IMMP2L: variants seen among roughly 807,000 people sequenced by gnomAD.
IMMP2L encodes the protein inner mitochondrial membrane peptidase subunit 2, also known as mitochondrial inner membrane protease subunit 2.
In IMMP2L, 18 loss-of-function variants were observed where a neutral mutation model predicts 19.3. That is an observed-to-expected ratio of 0.93 (90% CI 0.64 to 1.38). The LOEUF (loss-of-function observed/expected upper bound fraction) is 1.38. IMMP2L is among the 40% of genes most tolerant of loss of function. The pLI is 0.00. For missense variants in IMMP2L, 233 were observed against 218.2 expected (o/e 1.07, Z -0.43); for synonymous variants, 76 against 73.0 (o/e 1.04, Z -0.21).
intron 5 of IMMP2L, among the ~76,000 whole-genome samples, chr7:110,769,126 C>T (rs17399243): frequency 0.015 from 2,259 of 152,292 alleles, 20 homozygotes; most frequent in Non-Finnish European, 0.023. Flanking sequence ...TTTTCATTCT[C>T]GCAGCACATT....
rs183058096 is a variant in IMMP2L, at chr7:111,360,136, C to T, written c.239+127102G>A. Among the ~76,000 whole-genome samples, 1,435 of 151,878 alleles carry T rather than the reference C, an allele frequency of 9.4e-3. 8 individuals are homozygous for T. Among genetic ancestry groups the T allele is most frequent in the Middle Eastern group, 0.02 (6 of 294 alleles). ...TTTCGCCATAATGTGATTACAATTT[C>T]GCCATAATGTCATTACAAATCCAAA... On this transcript the variant is annotated intron_variant, in intron 3 of 5. Transcript: ENST00000405709.
intron 3 of IMMP2L, among the ~76,000 whole-genome samples, chr7:111,071,955 G>A (rs1346153180): frequency 6.6e-6 from 1 of 152,024 alleles, no homozygotes; most frequent in Non-Finnish European, 1.5e-5. Flanking sequence ...GACTGCTGAT[G>A]ATACCATCCA....
intron 1 of IMMP2L, among the ~76,000 whole-genome samples, chr7:111,541,727 T>C (rs1247976838): frequency 2.0e-5 from 3 of 152,122 alleles, no homozygotes; most frequent in Non-Finnish European, 4.4e-5. Flanking sequence ...TAGATAAAAA[T>C]ATATGAGCCA....
Position 111,455,312 on chromosome 7 carries a change from C to T in IMMP2L, c.239+31926G>A, listed in dbSNP as rs1839584164. ...AATTATTTGTAACATCTTACTGATC[C>T]CCTCATTAATTAATGAGCTTAATAA... On this transcript the variant is annotated intron_variant, in intron 3 of 5. Coordinates refer to ENST00000405709, the MANE Select transcript of IMMP2L (RefSeq NM_032549.4). Among the ~76,000 whole-genome samples the T allele has an allele frequency of 2.0e-5, 3 of 151,042 alleles. No individual in the cohort carries two copies. In the South Asian group the frequency reaches 6.3e-4, roughly 32 times the overall value.
intron 3 of IMMP2L, among the ~76,000 whole-genome samples, chr7:111,033,569 T>A (rs979200164): frequency 6.6e-6 from 1 of 152,196 alleles, no homozygotes; most frequent in Non-Finnish European, 1.5e-5. Context: ...TGTAAACAAC[T>A]AAGATATCCT....
chr7:110,945,282 A>T (rs556963086), intron 4 of IMMP2L, among the ~76,000 whole-genome samples: 2 of 152,084 alleles, frequency 1.3e-5, no homozygotes, highest in East Asian at 1.9e-4. Flanking sequence ...TAACATTTTT[A>T]AAAAAGCATT....
chr7:110,706,577 G>T (rs760021888), intron 5 of IMMP2L, among the ~76,000 whole-genome samples: 2 of 152,086 alleles, frequency 1.3e-5, no homozygotes, highest in Non-Finnish European at 2.9e-5. Context: ...ATCTCACTGT[G>T]GTTTTGATGT....
chr7:111,497,846 T>TTG (rs1843738922), intron 2 of IMMP2L, among the ~76,000 whole-genome samples: 1 of 151,836 alleles, frequency 6.6e-6, no homozygotes, highest in African/African-American at 2.4e-5. Context: ...ATAAAGTCAA[T>TTG]ACTGTAATGA....
chr7:110,840,119 C>T (rs1325575944), intron 5 of IMMP2L, among the ~76,000 whole-genome samples: 1 of 152,160 alleles, frequency 6.6e-6, no homozygotes, highest in Non-Finnish European at 1.5e-5. Context: ...TGAACGGTCA[C>T]AGCTGCTGCT....
intron 5 of IMMP2L, among the ~76,000 whole-genome samples, chr7:110,743,422 T>C (rs1797118131): frequency 6.6e-6 from 1 of 152,170 alleles, no homozygotes; most frequent in African/African-American, 2.4e-5. Flanking sequence ...TTAATAAAAA[T>C]AAGATGTGCT....
At chr7:110,873,445 A>G (rs1267439145) in intron 5 of IMMP2L, among the ~76,000 whole-genome samples, 1 of 149,996 alleles carries the variant, frequency 6.7e-6, no homozygotes, top group Non-Finnish European at 1.5e-5. Flanking sequence ...AAAAAAAAAA[A>G]AAAAAAAAAA....
intron 5 of IMMP2L, among the ~76,000 whole-genome samples, chr7:110,734,624 A>C (rs1008560130): frequency 6.6e-6 from 1 of 152,232 alleles, no homozygotes; most frequent in African/African-American, 2.4e-5. Flanking sequence ...CCAAATGACC[A>C]TTTAATTAGA....
chr7:110,977,652 C>A (rs986041649), intron 3 of IMMP2L, among the ~76,000 whole-genome samples: 1 of 151,888 alleles, frequency 6.6e-6, no homozygotes, highest in Non-Finnish European at 1.5e-5. Flanking sequence ...CAAATAAATG[C>A]CAAATGACTT....
chr7:110,779,449 T>C (rs936384225), intron 5 of IMMP2L, among the ~76,000 whole-genome samples: 3 of 151,972 alleles, frequency 2.0e-5, no homozygotes, highest in Admixed American at 2.0e-4. Context: ...AATGGAGGTT[T>C]AGTTATCGAG....
At chr7:110,966,174 T>C (rs957513159) in intron 3 of IMMP2L, among the ~76,000 whole-genome samples, 5 of 152,032 alleles carry the variant, frequency 3.3e-5, no homozygotes, top group Non-Finnish European at 7.4e-5. Flanking sequence ...TTAGAAAATA[T>C]TATTTGTGGC....
chr7:111,189,748 G>C (rs1016443809), intron 3 of IMMP2L, among the ~76,000 whole-genome samples: 4 of 152,194 alleles, frequency 2.6e-5, no homozygotes, highest in South Asian at 2.1e-4. Context: ...AACTGACTTA[G>C]CTTAAGGTGC....
chr7:110,978,639 A>G (rs1178334437), intron 3 of IMMP2L, among the ~76,000 whole-genome samples: 1 of 152,100 alleles, frequency 6.6e-6, no homozygotes, highest in African/African-American at 2.4e-5. Flanking sequence ...TGAGATAAAA[A>G]GATCAAACTA....
rs558469086 is a variant in IMMP2L, at chr7:111,074,432, AG to A, written c.240-110868del. Among the ~76,000 whole-genome samples, 256 of 152,340 alleles carry A rather than the reference AG, an allele frequency of 1.7e-3. 1 individual carries two copies. The highest frequency in any genetic ancestry group is 1.5e-3 in the Non-Finnish European group (100 of 68,032). On this transcript the variant is annotated intron_variant, in intron 3 of 5. Transcript: ENST00000405709. ...AATGCTGAAAAAGCCTTCTTTCTTA[AG>A]GTTCGGAGCAAAACCCAGTTAATCT...
At chr7:110,771,108 AC>A (rs751891510) in intron 5 of IMMP2L, among the ~76,000 whole-genome samples, 15 of 152,138 alleles carry the variant, frequency 9.9e-5, no homozygotes, top group Non-Finnish European at 2.1e-4. Context: ...GAAGGTTCTG[AC>A]GGGAAATATC....
Sources: allele counts gnomAD v4.1 joint callset (sites outside exome capture counted in the v4.1 genomes callset), GRCh38; gene constraint gnomAD v4.1.1; transcripts MANE v1.5; gene names NCBI Gene and HGNC (gene_info 2026-07-23, HGNC 2026-07-21).